Variants in RADIL observed in about 807,000 individuals in gnomAD.
The protein encoded by RADIL is Rap associating with DIL domain.
RADIL carries 99 observed loss-of-function variants against 97.6 expected under a neutral mutation model. That is an observed-to-expected ratio of 1.01 (90% CI 0.86 to 1.20). The LOEUF is 1.20. RADIL is among the 50% of genes most tolerant of loss of function. RADIL has a pLI of 0.00. For missense variants in RADIL, 1,765 were observed against 1,498.9 expected (o/e 1.18, Z -2.93); for synonymous variants, 803 against 691.8 (o/e 1.16, Z -2.52).
At chr7:4,816,576 G>A in intron 7 of RADIL, 111 bp from the exon 8 acceptor site, 1 of 823,170 alleles carries the variant, frequency 1.2e-6, no homozygotes, top group Admixed American at 2.4e-5. Context: ...CAGGGACCCG[G>A]CCTCGGTAGC....
At chr7:4,863,994 A>G (rs989762447) in intron 2 of RADIL, among the ~76,000 whole-genome samples, 8 of 152,186 alleles carry the variant, frequency 5.3e-5, no homozygotes, top group African/African-American at 1.9e-4. Flanking sequence ...GTACTCAGCT[A>G]TGCATTCAAA....
At position 4,815,873 on chromosome 7, in the gene RADIL, G is replaced by A. The variant is rs1033338868; in HGVS notation, c.1966+355C>T. On this transcript the variant is annotated intron_variant, in intron 8 of 14. Transcript: ENST00000399583. The surrounding 1 kb of genome is among the most constrained non-coding windows in gnomAD (Gnocchi z 8.0). ...AAGGCAGGGTCCAAGGCCAGAGTCC[G>A]CGGCTGCACAGACCTGGGTTCCATC... Among the ~76,000 whole-genome samples the A allele has an allele frequency of 2.6e-5, 4 of 152,294 alleles. No individual in the cohort carries two copies. The highest frequency in any genetic ancestry group is 1.9e-4 in the East Asian group (1 of 5,180).
intron 9 of RADIL, among the ~76,000 whole-genome samples, chr7:4,806,320 G>GTT (rs957348344): frequency 6.7e-6 from 1 of 149,310 alleles, no homozygotes; most frequent in Non-Finnish European, 1.5e-5. Context: ...CAGCTCATTA[G>GTT]TTTTTTGTTT....
chr7:4,865,746 C>A, intron 2 of RADIL: 1 of 1,065,682 alleles, frequency 9.4e-7, no homozygotes, highest in South Asian at 1.3e-5. Flanking sequence ...GAGTGAACTT[C>A]AGAACCTGCT....
At chr7:4,877,025 T>G (rs11979864) in intron 2 of RADIL, among the ~76,000 whole-genome samples, 9,781 of 152,274 alleles carry the variant, frequency 0.064, 992 homozygotes, top group African/African-American at 0.22. Flanking sequence ...GTCAATGAGA[T>G]GACTGCTGGA....
intron 2 of RADIL, chr7:4,865,493 C>A: frequency 2.6e-6 from 2 of 782,876 alleles, no homozygotes; most frequent in East Asian, 2.4e-5. Context: ...ATTCGTAACT[C>A]TCTTTGCTGT....
chr7:4,872,750 T>G lies in RADIL; in HGVS notation c.535+4855A>C, dbSNP rs1012018739. 3.3e-5 allele frequency among the ~76,000 whole-genome samples: 5 copies of G among 152,156 alleles called. No individual in the cohort carries two copies. Among genetic ancestry groups the G allele is most frequent in the Admixed American group, 2.0e-4 (3 of 15,276 alleles). ...AAAACAAAAACCCAAAGTGCCTGCGTGCATTTCTACAGGGGGGTAGCAGTG... is the reference window on the plus strand; with the variant it reads ...AAAACAAAAACCCAAAGTGCCTGCGGGCATTTCTACAGGGGGGTAGCAGTG... On this transcript the variant is annotated intron_variant, in intron 2 of 14. Transcript: ENST00000399583. The surrounding 1 kb of genome is among the most constrained non-coding windows in gnomAD (Gnocchi z 5.8).
intron 9 of RADIL, among the ~76,000 whole-genome samples, chr7:4,811,896 C>T (rs1442190571): frequency 6.6e-6 from 1 of 150,614 alleles, no homozygotes; most frequent in Admixed American, 6.6e-5. Context: ...TTATTTGAGA[C>T]AAGGTCTCAT....
At chr7:4,838,368 G>A (rs1213159519) in intron 2 of RADIL, among the ~76,000 whole-genome samples, 1 of 152,210 alleles carries the variant, frequency 6.6e-6, no homozygotes, top group Admixed American at 6.5e-5. Flanking sequence ...GTTGTAGGAG[G>A]TGACCTCAGA....
chr7:4,866,124 G>GTGTGCGTGTGCA (rs1019431615), intron 2 of RADIL, among the ~76,000 whole-genome samples: 1 of 152,148 alleles, frequency 6.6e-6, no homozygotes, highest in African/African-American at 2.4e-5. Flanking sequence ...ATATCTGTGT[G>GTGTGCGTGTGCA]TGTGCGTGTG....
At chr7:4,844,632 C>G (rs888907461) in intron 2 of RADIL, among the ~76,000 whole-genome samples, 1 of 152,128 alleles carries the variant, frequency 6.6e-6, no homozygotes, top group Non-Finnish European at 1.5e-5. Context: ...GAGAGAGGGT[C>G]TTGCTCTGTC....
chr7:4,869,138 A>T (rs1050831322), intron 2 of RADIL, among the ~76,000 whole-genome samples: 1 of 149,128 alleles, frequency 6.7e-6, no homozygotes. Flanking sequence ...AAAGACAAAC[A>T]AACAAACAAA....
At chr7:4,857,596 C>G (rs56129903) in intron 2 of RADIL, 6 of 152,450 alleles carry the variant, frequency 3.9e-5, no homozygotes, top group Non-Finnish European at 7.3e-5. Context: ...TCATGTTTCC[C>G]TAAACATTAC....
chr7:4,814,600 G>A lies in RADIL; in HGVS notation c.2139+678C>T, dbSNP rs1782629074. ...GGTGAGCAGCGAGGGAAGCAGGGAGGGGCATGTCGGTTTCCCATTGCCGTT... is the reference window on the plus strand; with the variant it reads ...GGTGAGCAGCGAGGGAAGCAGGGAGAGGCATGTCGGTTTCCCATTGCCGTT... On this transcript the variant is annotated intron_variant, in intron 9 of 14. Coordinates refer to ENST00000399583, the MANE Select transcript of RADIL (RefSeq NM_018059.5). The surrounding 1 kb of genome is among the most constrained non-coding windows in gnomAD (Gnocchi z 4.5). 6.6e-6 allele frequency among the ~76,000 whole-genome samples: 1 copy of A among 152,186 alleles called. No individual in the cohort carries two copies. The highest frequency in any genetic ancestry group is 2.1e-4 in the South Asian group (1 of 4,826).
intron 13 of RADIL, 35 bp downstream of exon 13, chr7:4,800,136 G>C (rs756137409): frequency 6.4e-7 from 1 of 1,559,238 alleles, no homozygotes; most frequent in Non-Finnish European, 8.7e-7. Flanking sequence ...CAGGCAGCCA[G>C]TATGGGGGTG....
At chr7:4,853,310 C>G (rs1255689118) in intron 2 of RADIL, among the ~76,000 whole-genome samples, 3 of 152,152 alleles carry the variant, frequency 2.0e-5, no homozygotes, top group Non-Finnish European at 4.4e-5. Context: ...TAAGTTTTCT[C>G]ATCAGTTCAC....
At position 4,878,042 on chromosome 7, in the gene RADIL, C is replaced by T; in HGVS notation, c.98G>A (p.Ser33Asn). 3.7e-6 allele frequency: 6 copies of T among 1,607,158 alleles called. No homozygotes were observed. Among genetic ancestry groups the T allele is most frequent in the African/African-American group, 2.7e-5 (2 of 74,948 alleles). Residue 33 changes from serine (S) to asparagine (N), a missense_variant, in exon 2 of 15, where the codon AGC becomes AAC. Coordinates refer to ENST00000399583, the MANE Select transcript of RADIL (RefSeq NM_018059.5). This position sits in a 1 kb window ranked among gnomAD's most constrained non-coding sequence, Gnocchi z 4.1. ...GGAGTCCAGGTCCCGGTACTTGTAGCTCAGCGTCCGGGACAGCATGCTGGA... is the reference window on the plus strand; with the variant it reads ...GGAGTCCAGGTCCCGGTACTTGTAGTTCAGCGTCCGGGACAGCATGCTGGA... ...LLSSMLSRTL[S>N]YKYRDLDSTF...
intron 2 of RADIL, among the ~76,000 whole-genome samples, chr7:4,841,256 G>A (rs552237414): frequency 6.6e-6 from 1 of 152,354 alleles, no homozygotes; most frequent in South Asian, 2.1e-4. Context: ...CCCTGGGAAT[G>A]TTCCTGCCCT....
At chr7:4,871,398 C>T (rs1397344693) in intron 2 of RADIL, among the ~76,000 whole-genome samples, 3 of 152,228 alleles carry the variant, frequency 2.0e-5, no homozygotes, top group Non-Finnish European at 2.9e-5. Flanking sequence ...CGGCGCTTCC[C>T]GCGTGCACAC....
Sources: gnomAD v4.1 joint callset for allele counts (sites outside exome capture counted in the v4.1 genomes callset) on GRCh38, gnomAD v4.1.1 for gene constraint, Gnocchi (gnomAD v3.1) non-coding constraint, MANE v1.5 for transcripts, NCBI Gene and HGNC (gene_info 2026-07-23, HGNC 2026-07-21) for gene names.